Variants in CREB1 observed in about 807,000 individuals in gnomAD.
CREB1 encodes cAMP responsive element binding protein 1.
Under a neutral mutation model 42.0 loss-of-function variants are expected in CREB1, and 2 were observed. That is an observed-to-expected ratio of 0.05 (90% CI 0.02 to 0.15). The LOEUF is 0.15. CREB1 is among the 10% of genes least tolerant of loss of function. The pLI, the probability that CREB1 is intolerant of heterozygous loss-of-function variation, is 1.00. For synonymous variants in CREB1, 123 were observed against 139.9 expected, an observed-to-expected ratio of 0.88 and a Z score of 0.85; for missense variants, 199 against 388.9, an observed-to-expected ratio of 0.51 and a Z score of 4.11.
chr2:207,583,691 A>C (rs961932816), intron 7 of CREB1, among the ~76,000 whole-genome samples: 1 of 152,174 alleles, frequency 6.6e-6, no homozygotes, highest in Non-Finnish European at 1.5e-5. Context: ...TTGCATATAC[A>C]TAAGTTCACT....
chr2:207,560,326 C>T lies in CREB1; in HGVS notation c.215C>T (p.Ala72Val), dbSNP rs765807998. 1.9e-6 allele frequency: 3 copies of T among 1,613,824 alleles called. No individual in the cohort carries two copies. Among genetic ancestry groups the T allele is most frequent in the African/African-American group, 1.3e-5 (1 of 74,906 alleles). Residue 72 changes from alanine to valine, a missense_variant, in exon 3 of 8, where the codon GCG becomes GTG. Transcript: ENST00000353267. ...GTTCAAGTCCATGGAGTCATTCAGG[C>T]GGCCCAGCCATCAGTTATTCAGTCT... is the stretch of plus-strand genomic sequence containing the variant. The part of the protein sequence containing the change: ...QTVQVHGVIQ[A>V]AQPSVIQSPQ...
intron 1 of CREB1, among the ~76,000 whole-genome samples, chr2:207,552,204 G>A (rs1453638872): frequency 6.6e-6 from 1 of 152,026 alleles, no homozygotes; most frequent in Non-Finnish European, 1.5e-5. Context: ...GAGGGAAGAG[G>A]ATGAAAAACA....
At chr2:207,555,857 C>T (rs1016462755) in intron 2 of CREB1, 108 bp downstream of exon 2, 3 of 629,186 alleles carry the variant, frequency 4.8e-6, no homozygotes, top group Non-Finnish European at 8.5e-6. Flanking sequence ...AGCAGAGATA[C>T]TCTTACAATA....
At position 207,560,300 on chromosome 2, in the gene CREB1, A is replaced by G. The variant is rs773042501; in HGVS notation, c.189A>G (p.Thr63=). The change falls in exon 3 of 8, where the codon ACA becomes ACG. Residue 63 remains threonine, a synonymous_variant. Transcript: ENST00000353267. The part of the protein sequence containing the change: ...VTLVQLPNGQ[T]VQVHGVIQAA... ...TAGTACAGCTGCCCAATGGGCAGAC[A>G]GTTCAAGTCCATGGAGTCATTCAGG... 1.2e-6 allele frequency: 2 copies of G among 1,614,038 alleles called. No homozygotes were observed. Among genetic ancestry groups the G allele is most frequent in the East Asian group, 2.2e-5 (1 of 44,876 alleles).
intron 1 of CREB1, among the ~76,000 whole-genome samples, chr2:207,548,898 T>A (rs1395569589): frequency 6.6e-6 from 1 of 152,226 alleles, no homozygotes; most frequent in East Asian, 1.9e-4. Context: ...TGCTTTTATT[T>A]TTGTCATATA....
chr2:207,544,713 C>G (rs1402300592), intron 1 of CREB1, among the ~76,000 whole-genome samples: 2 of 152,064 alleles, frequency 1.3e-5, no homozygotes, highest in African/African-American at 4.8e-5. Flanking sequence ...TCTTCCTCCT[C>G]CCACCCCCAA....
At chr2:207,566,396 C>G (rs1334780247) in intron 3 of CREB1, among the ~76,000 whole-genome samples, 2 of 152,044 alleles carry the variant, frequency 1.3e-5, no homozygotes, top group African/African-American at 2.4e-5. Context: ...CATAATGTGC[C>G]CCTAGTTCAG....
intron 7 of CREB1, chr2:207,582,086 T>C: frequency 2.8e-6 from 2 of 702,590 alleles, no homozygotes; most frequent in Non-Finnish European, 5.2e-6. Flanking sequence ...GCTGTCCAGG[T>C]GTCTCCACTG....
At chr2:207,542,198 T>C (rs1215252609) in intron 1 of CREB1, among the ~76,000 whole-genome samples, 2 of 152,212 alleles carry the variant, frequency 1.3e-5, no homozygotes, top group Non-Finnish European at 2.9e-5. Flanking sequence ...ATGGTAACTG[T>C]GTTTAACCAT....
rs187819458 is a variant in CREB1 at position 207,547,862 on chromosome 2, G to T, written c.-8-7766G>T. 1.2e-3 allele frequency among the ~76,000 whole-genome samples: 187 copies of T among 151,730 alleles called. 1 individual carries two copies. Among genetic ancestry groups the T allele is most frequent in the African/African-American group, 4.2e-3 (172 of 41,380 alleles). On this transcript the variant is annotated intron_variant, in intron 1 of 7. Coordinates refer to ENST00000353267, the MANE Select transcript of CREB1 (RefSeq NM_004379.5). ...CACTACAGCTTTCTTGTTGAAAGGC[G>T]CTATAGAGTTAGTCACATATTCTGA... is the stretch of plus-strand genomic sequence containing the variant.
Position 207,597,064 on chromosome 2 carries a change from G to A in CREB1, c.*6G>A, listed in dbSNP as rs1020319916. On this transcript the variant is annotated 3_prime_UTR_variant, in exon 8 of 8. Coordinates refer to ENST00000353267, the MANE Select transcript of CREB1 (RefSeq NM_004379.5). ...ACTGCCACAAATCAGATTAATTTGG[G>A]ATTTAAATTTTCACCTGTTAAGGTG... 2 of 1,586,992 alleles carry A rather than the reference G, an allele frequency of 1.3e-6. No individual in the cohort carries two copies. Among genetic ancestry groups the A allele is most frequent in the Non-Finnish European group, 1.7e-6 (2 of 1,171,540 alleles).
chr2:207,571,376 C>T (rs2082357281), intron 5 of CREB1, among the ~76,000 whole-genome samples: 2 of 152,074 alleles, frequency 1.3e-5, no homozygotes, highest in Admixed American at 1.3e-4. Context: ...GTTTGACCCC[C>T]ATGTTATTTT....
rs1308780810 is a variant in CREB1, at chr2:207,603,506, T to G, written c.*6448T>G. On this transcript the variant is annotated 3_prime_UTR_variant, in exon 8 of 8. Transcript: ENST00000353267. The stretch of plus-strand genomic sequence containing the variant: ...TTTGCTAGTAGTGTGAAGCCATGTT[T>G]TATTGGACTTAAAGTTACAATATAT... 2.7e-5 allele frequency: 6 copies of G among 224,962 alleles called. No homozygotes were observed. The highest frequency in any genetic ancestry group is 5.3e-5 in the Non-Finnish European group (6 of 112,886). 13.9% of individuals were successfully genotyped at this position (224,962 alleles called of 1,614,324 possible).
At chr2:207,547,812 A>G (rs1003543580) in intron 1 of CREB1, among the ~76,000 whole-genome samples, 1 of 152,304 alleles carries the variant, frequency 6.6e-6, no homozygotes, top group Non-Finnish European at 1.5e-5. Context: ...AATTTCAAAC[A>G]AACAAACAAA....
intron 1 of CREB1, among the ~76,000 whole-genome samples, chr2:207,551,568 T>C (rs769613377): frequency 4.3e-4 from 66 of 152,154 alleles, no homozygotes; most frequent in Non-Finnish European, 8.1e-4. Context: ...TACAGATGGA[T>C]GGGAATATCT....
chr2:207,539,207 A>AT (rs528614868), intron 1 of CREB1, among the ~76,000 whole-genome samples: 11,476 of 132,898 alleles, frequency 0.086, 793 homozygotes, highest in East Asian at 0.22. Context: ...TACCTGGCTA[A>AT]TTTTTTTTTT....
chr2:207,561,043 T>G, intron 3 of CREB1: 1 of 1,320,990 alleles, frequency 7.6e-7, no homozygotes, highest in South Asian at 1.2e-5. Context: ...ATTGAGCTTA[T>G]TGAAAAAAAA....
chr2:207,563,800 C>T (rs1164926189), intron 3 of CREB1, among the ~76,000 whole-genome samples: 1 of 152,072 alleles, frequency 6.6e-6, no homozygotes, highest in Non-Finnish European at 1.5e-5. Context: ...AAAAATTAGC[C>T]AGGCGTGGTG....
intron 7 of CREB1, among the ~76,000 whole-genome samples, chr2:207,578,916 G>T (rs529210401): frequency 1.1e-4 from 17 of 151,950 alleles, no homozygotes; most frequent in South Asian, 6.2e-4. Context: ...TCAACCTCCC[G>T]AGTAGCTGGG....
Sources: gnomAD v4.1 joint callset for allele counts (sites outside exome capture counted in the v4.1 genomes callset) on GRCh38, gnomAD v4.1.1 for gene constraint, MANE v1.5 for transcripts, NCBI Gene and HGNC (gene_info 2026-07-23, HGNC 2026-07-21) for gene names.